The following SYT1 variants were observed in gnomAD, a reference collection of about 807,000 sequenced individuals.
SYT1 encodes synaptotagmin-1.
In SYT1, 8 loss-of-function variants were observed where a neutral mutation model predicts 44.8. The ratio of observed to expected loss-of-function variants is 0.18; its 90% confidence interval spans 0.10 to 0.32. The LOEUF (loss-of-function observed/expected upper bound fraction) is 0.32. Among genes scored for constraint, SYT1 ranks in the 10% least tolerant of loss-of-function variants. SYT1 has a pLI of 1.00. For synonymous variants in SYT1, 154 were observed against 188.8 expected (o/e 0.82, Z 1.51); for missense variants, 286 against 509.3 (o/e 0.56, Z 4.22).
At chr12:78,976,675 A>G (rs1868859292) in intron 1 of SYT1, 1 of 152,212 alleles carries the variant, frequency 6.6e-6, no homozygotes, top group African/African-American at 2.4e-5. Context: ...CTAAACTGTA[A>G]AGACAGTAGA....
intron 3 of SYT1, among the ~76,000 whole-genome samples, chr12:79,091,724 T>C (rs1355059716): frequency 6.6e-6 from 1 of 151,932 alleles, no homozygotes; most frequent in East Asian, 1.9e-4. Flanking sequence ...AAATTGTAGG[T>C]AAATAATAAA....
chr12:78,946,748 G>A (rs1241777810), intron 1 of SYT1, among the ~76,000 whole-genome samples: 1 of 151,830 alleles, frequency 6.6e-6, no homozygotes, highest in Non-Finnish European at 1.5e-5. Context: ...ATAAAACCTG[G>A]AGCAATTCTT....
intron 3 of SYT1, among the ~76,000 whole-genome samples, chr12:79,050,195 A>G (rs901441005): frequency 6.6e-6 from 1 of 152,142 alleles, no homozygotes; most frequent in Non-Finnish European, 1.5e-5. Context: ...AGGAAAAGTG[A>G]AGAAAATATT....
At chr12:79,042,907 T>G (rs1329547570) in intron 2 of SYT1, among the ~76,000 whole-genome samples, 1 of 151,648 alleles carries the variant, frequency 6.6e-6, no homozygotes, top group Non-Finnish European at 1.5e-5. Flanking sequence ...CAGGAGCAGG[T>G]TGTTTAGTTT....
rs1475824011 is a variant in SYT1 at position 79,451,602 on chromosome 12, A to C, written c.*2478A>C. On this transcript the variant is annotated 3_prime_UTR_variant, in exon 11 of 11. Coordinates refer to ENST00000261205, the MANE Select transcript of SYT1 (RefSeq NM_005639.3). Reference sequence around the variant, plus strand: ...TGTCACCATAGAATTAGTTGGTACTATGCCATCTTTCACTCTTTCACAAGT... The same window carrying C: ...TGTCACCATAGAATTAGTTGGTACTCTGCCATCTTTCACTCTTTCACAAGT... 1 of 152,230 alleles carries C rather than the reference A, an allele frequency of 6.6e-6. No individual in the cohort carries two copies. Among genetic ancestry groups the C allele is most frequent in the Non-Finnish European group, 1.5e-5 (1 of 68,032 alleles). 9.4% of individuals were successfully genotyped at this position (152,230 alleles called of 1,614,324 possible). A position where few individuals can be genotyped will look rare whatever the true frequency, so the allele number is the denominator to read the frequency against.
chr12:79,373,897 T>A (rs905750519), intron 9 of SYT1, among the ~76,000 whole-genome samples: 3 of 152,216 alleles, frequency 2.0e-5, no homozygotes, highest in African/African-American at 7.2e-5. Context: ...TCAAGTTTTC[T>A]TCAAGCCACA....
At chr12:79,233,424 G>C (rs1449063494) in intron 4 of SYT1, among the ~76,000 whole-genome samples, 1 of 152,174 alleles carries the variant, frequency 6.6e-6, no homozygotes, top group Non-Finnish European at 1.5e-5. Context: ...GGTTTGCTTT[G>C]CTGAGTAGCT....
At chr12:78,876,758 ATATATATTATATATT>A (rs1179665925) in intron 1 of SYT1, among the ~76,000 whole-genome samples, 1 of 99,610 alleles carries the variant, frequency 1.0e-5, no homozygotes, top group Non-Finnish European at 1.9e-5. Flanking sequence ...ATTGTATATT[ATATATATTATATATT>A]TATATATTAT....
At chr12:78,938,432 C>T (rs765093198) in intron 1 of SYT1, among the ~76,000 whole-genome samples, 1 of 152,104 alleles carries the variant, frequency 6.6e-6, no homozygotes, top group Non-Finnish European at 1.5e-5. Flanking sequence ...GAATTAGCAG[C>T]GGTTGAGCAG....
chr12:78,965,391 A>G (rs1206433021), intron 1 of SYT1, among the ~76,000 whole-genome samples: 1 of 152,200 alleles, frequency 6.6e-6, no homozygotes, highest in African/African-American at 2.4e-5. Flanking sequence ...CTCCTGGAGC[A>G]TATAGTCTAT....
At chr12:78,891,462 C>A (rs919093933) in intron 1 of SYT1, among the ~76,000 whole-genome samples, 1 of 151,738 alleles carries the variant, frequency 6.6e-6, no homozygotes, top group Non-Finnish European at 1.5e-5. Flanking sequence ...GCATTTTGTA[C>A]AAGAGAGTTA....
intron 8 of SYT1, among the ~76,000 whole-genome samples, chr12:79,308,611 A>AAAG (rs1565901475): frequency 2.7e-5 from 1 of 37,332 alleles, no homozygotes; most frequent in African/African-American, 7.8e-5. Flanking sequence ...AGAAAGAAAG[A>AAAG]AAAAGAAAGA....
intron 3 of SYT1, among the ~76,000 whole-genome samples, chr12:79,122,347 T>C (rs1213237687): frequency 1.3e-5 from 2 of 150,252 alleles, no homozygotes; most frequent in Non-Finnish European, 3.0e-5. Context: ...ACCCCGTCTC[T>C]ACTAAAAATA....
chr12:79,023,071 T>A (rs1872298715), intron 2 of SYT1, among the ~76,000 whole-genome samples: 1 of 151,778 alleles, frequency 6.6e-6, no homozygotes, highest in South Asian at 2.1e-4. Flanking sequence ...TCAGACTCTT[T>A]TGACTTAGTT....
At chr12:79,087,281 A>ATCC (rs933163361) in intron 3 of SYT1, among the ~76,000 whole-genome samples, 3 of 152,158 alleles carry the variant, frequency 2.0e-5, no homozygotes, top group Non-Finnish European at 4.4e-5. Context: ...AAAAAGCAGA[A>ATCC]GGAGAGTTAT....
At chr12:78,930,676 G>A (rs1053523962) in intron 1 of SYT1, among the ~76,000 whole-genome samples, 1 of 151,118 alleles carries the variant, frequency 6.6e-6, no homozygotes, top group Non-Finnish European at 1.5e-5. Flanking sequence ...GGGAGGTTGG[G>A]AAGTGGTGAA....
chr12:79,351,604 C>T (rs923318472), intron 8 of SYT1, among the ~76,000 whole-genome samples: 3 of 151,046 alleles, frequency 2.0e-5, no homozygotes, highest in Non-Finnish European at 4.4e-5. Context: ...TTACATTTCT[C>T]TTGTCCCATA....
intron 9 of SYT1, among the ~76,000 whole-genome samples, chr12:79,382,986 C>T (rs956507909): frequency 2.0e-5 from 3 of 152,220 alleles, no homozygotes; most frequent in South Asian, 2.1e-4. Flanking sequence ...TATGAATGCT[C>T]GAAGGAAGTT....
At chr12:79,039,425 G>A (rs12312807) in intron 2 of SYT1, among the ~76,000 whole-genome samples, 16,449 of 151,838 alleles carry the variant, frequency 0.11, 924 homozygotes, top group East Asian at 0.23. Context: ...GATGATGGAA[G>A]GTGCAAAATA....
Sources: allele counts gnomAD v4.1 joint callset (sites outside exome capture counted in the v4.1 genomes callset), GRCh38; gene constraint gnomAD v4.1.1; transcripts MANE v1.5; gene names NCBI Gene and HGNC (gene_info 2026-07-23, HGNC 2026-07-21).